The following EFTUD2 variants were observed in gnomAD, a reference collection of about 807,000 sequenced individuals.
EFTUD2 encodes the protein elongation factor Tu GTP binding domain containing 2.
EFTUD2 carries 9 observed loss-of-function variants against 114.3 expected under a neutral mutation model. The observed-to-expected ratio is 0.08, with a 90% confidence interval of 0.05 to 0.14. The LOEUF (loss-of-function observed/expected upper bound fraction) is 0.14. Among genes scored for constraint, EFTUD2 ranks in the 10% least tolerant of loss-of-function variants. The probability of loss-of-function intolerance (pLI) is 1.00; values close to 1 mark genes in which losing one functional copy is unlikely to be tolerated. For missense variants in EFTUD2, 765 were observed against 1,241.2 expected (o/e 0.62, Z 5.76); for synonymous variants, 449 against 462.3 (o/e 0.97, Z 0.37).
At chr17:44,872,324 A>ACAGCAG in intron 11 of EFTUD2, 122 bp downstream of exon 11, 1 of 1,306,452 alleles carries the variant, frequency 7.7e-7, no homozygotes, top group Non-Finnish European at 1.1e-6. Context: ...TGTGATAATA[A>ACAGCAG]CAGGTGATAA....
In EFTUD2 at chr17:44,866,921, T is replaced by G. The variant is rs550402889; in HGVS notation, c.1149+886A>C. The stretch of plus-strand genomic sequence containing the variant: ...AAGTTTGAGACCAGCTTGGGGATAA[T>G]GGCAAGACCCTGTCTCTACACAAAA... On this transcript the variant is annotated intron_variant, in intron 13 of 27. Coordinates refer to ENST00000426333, the MANE Select transcript of EFTUD2 (RefSeq NM_004247.4). 4.6e-5 allele frequency among the ~76,000 whole-genome samples: 7 copies of G among 152,148 alleles called. 1 individual carries two copies. The highest frequency in any genetic ancestry group is 1.7e-4 in the African/African-American group (7 of 41,530).
chr17:44,870,665 T>TGTTTTTTC (rs1718136116), intron 11 of EFTUD2, among the ~76,000 whole-genome samples: 1 of 152,164 alleles, frequency 6.6e-6, no homozygotes, highest in African/African-American at 2.4e-5. Flanking sequence ...ACAGTAAATG[T>TGTTTTTTC]GTTTTTTCTC....
chr17:44,863,054 C>A, intron 15 of EFTUD2, 148 bp from the exon 16 acceptor site: 1 of 603,384 alleles, frequency 1.7e-6, no homozygotes, highest in East Asian at 2.9e-5. Flanking sequence ...ATGTTCTACC[C>A]CATCCCTCTG....
Position 44,868,268 on chromosome 17 carries a change from C to G in EFTUD2, c.1058+19G>C. On this transcript the variant is annotated intron_variant, in intron 12 of 27. Transcript: ENST00000426333. ...AAATGATCACCCCTCTGGAAAGTCA[C>G]GTCCCATACTCTACTTACGTCTTAG... The G allele has an allele frequency of 1.2e-6, 2 of 1,610,652 alleles. No homozygotes were observed. Among genetic ancestry groups the G allele is most frequent in the Non-Finnish European group, 1.7e-6 (2 of 1,178,112 alleles).
Position 44,862,851 on chromosome 17 carries a change from A to T in EFTUD2, c.1469T>A (p.Phe490Tyr), listed in dbSNP as rs752621987. The change falls in exon 16 of 28, where the codon TTT becomes TAT. Residue 490 changes from phenylalanine (F) to tyrosine (Y), a missense_variant. Around this residue, in one of 6 missense-constraint regions of EFTUD2, gnomAD observed 149 missense variants for 245.1 expected, o/e 0.61. Transcript: ENST00000426333. ...ACTCAGCACCCGGCCAAAGGCGTGA[A>T]ACTGGACTCCATCATCTGTGCTGTA... is the stretch of plus-strand genomic sequence containing the variant. Reference protein sequence around the residue: ...KMYSTDDGVQFHAFGRVLSGT... With the variant: ...KMYSTDDGVQYHAFGRVLSGT... The T allele has an allele frequency of 6.2e-7, 1 of 1,614,198 alleles. No homozygotes were observed. Among genetic ancestry groups the T allele is most frequent in the South Asian group, 1.1e-5 (1 of 91,082 alleles).
chr17:44,850,280 G>A lies in EFTUD2; in HGVS notation c.*994C>T, dbSNP rs1015369512. 1 of 1,477,702 alleles carries A rather than the reference G, an allele frequency of 6.8e-7. No individual in the cohort carries two copies. The highest frequency in any genetic ancestry group is 9.3e-7 in the Non-Finnish European group (1 of 1,069,944). 91.5% of individuals were successfully genotyped at this position (1,477,702 alleles called of 1,614,324 possible). On this transcript the variant is annotated 3_prime_UTR_variant, in exon 28 of 28. Coordinates refer to ENST00000426333, the MANE Select transcript of EFTUD2 (RefSeq NM_004247.4). The stretch of plus-strand genomic sequence containing the variant: ...CCCCTAGGACGCCTGAGAGCCAGAG[G>A]ACGGGTGAAGGGTTTGATGCCAAGG...
At chr17:44,879,867 G>A (rs1336783305) in intron 8 of EFTUD2, among the ~76,000 whole-genome samples, 2 of 151,976 alleles carry the variant, frequency 1.3e-5, no homozygotes, top group Non-Finnish European at 2.9e-5. Context: ...TGGGACTCAT[G>A]CCCAGGAGAG....
At chr17:44,855,272 AAAAC>A (rs1381509663) in intron 20 of EFTUD2, among the ~76,000 whole-genome samples, 1 of 152,176 alleles carries the variant, frequency 6.6e-6, no homozygotes, top group South Asian at 2.1e-4. Context: ...CTGCCTCTTA[AAAAC>A]AAACAGCCAG....
intron 1 of EFTUD2, among the ~76,000 whole-genome samples, chr17:44,898,080 G>T (rs557896229): frequency 2.6e-5 from 4 of 152,080 alleles, no homozygotes; most frequent in African/African-American, 9.7e-5. Flanking sequence ...GGAGCTCCAA[G>T]GACCAATAAT....
intron 3 of EFTUD2, 61 bp from the exon 4 acceptor site, chr17:44,885,395 A>G (rs2051150134): frequency 8.9e-7 from 1 of 1,120,948 alleles, no homozygotes; most frequent in Non-Finnish European, 1.4e-6. Context: ...AATACGGAAC[A>G]CTATTCCATT....
intron 10 of EFTUD2, 158 bp downstream of exon 10, chr17:44,875,776 G>T: frequency 1.3e-6 from 1 of 757,750 alleles, no homozygotes; most frequent in Non-Finnish European, 2.2e-6. Context: ...GTTAAAGTAT[G>T]AAGTCAACCC....
At position 44,856,954 on chromosome 17, in the gene EFTUD2, C is replaced by A. The variant is rs1031577242; in HGVS notation, c.2045+121G>T. The A allele has an allele frequency of 3.9e-6, 3 of 766,062 alleles. No homozygotes were observed. In the African/African-American group the frequency reaches 5.2e-5, roughly 13 times the overall value. 47.5% of individuals were successfully genotyped at this position (766,062 alleles called of 1,614,324 possible). A position where few individuals can be genotyped will look rare whatever the true frequency, so the allele number is the denominator to read the frequency against. ...GAAACTCAAGTATTGTAAGCACCCCCTATTCTGAGCTGTAGAGGTCTCTAT... is the reference window on the plus strand; with the variant it reads ...GAAACTCAAGTATTGTAAGCACCCCATATTCTGAGCTGTAGAGGTCTCTAT... On this transcript the variant is annotated intron_variant, in intron 20 of 27. Transcript: ENST00000426333.
At chr17:44,887,864 A>C (rs1395777746) in intron 2 of EFTUD2, among the ~76,000 whole-genome samples, 1 of 152,246 alleles carries the variant, frequency 6.6e-6, no homozygotes, top group Non-Finnish European at 1.5e-5. Flanking sequence ...GTCATATGCA[A>C]CATTAACGAA....
At position 44,863,742 on chromosome 17, in the gene EFTUD2, C is replaced by A; in HGVS notation, c.1326G>T (p.Lys442Asn). The A allele has an allele frequency of 3.1e-6, 5 of 1,614,146 alleles. No homozygotes were observed. Among genetic ancestry groups the A allele is most frequent in the Non-Finnish European group, 4.2e-6 (5 of 1,180,016 alleles). ...DMCVQHIPSP[K>N]VGAKPKIEHT... The stretch of plus-strand genomic sequence containing the variant: ...GCTCAATCTTGGGCTTGGCGCCCAC[C>A]TTTGGAGAAGGGATATGCTGCACAC... The change falls in exon 15 of 28, where the codon AAG becomes AAT. Residue 442 changes from lysine to asparagine, a missense_variant. Around this residue, in one of 6 missense-constraint regions of EFTUD2, gnomAD observed 59 missense variants for 50.1 expected, o/e 1.18. Transcript: ENST00000426333.
chr17:44,876,066 G>T lies in EFTUD2; in HGVS notation c.737C>A (p.Ala246Glu), dbSNP rs1393171446. ...AGTGACTGCCAGCCTCTCCTGCACC[G>T]CATGCTTGATCAGCCGCTCTGTGTT... The part of the protein sequence containing the change: ...MLNTERLIKH[A>E]VQERLAVTVC... The change falls in exon 10 of 28, where the codon GCG becomes GAG. Residue 246 changes from alanine (A) to glutamate (E), a missense_variant. Around this residue, in one of 6 missense-constraint regions of EFTUD2, gnomAD observed 251 missense variants for 357.7 expected, o/e 0.70. Transcript: ENST00000426333. 6.2e-7 allele frequency: 1 copy of T among 1,613,568 alleles called. No homozygotes were observed. Among genetic ancestry groups the T allele is most frequent in the Non-Finnish European group, 8.5e-7 (1 of 1,179,820 alleles).
chr17:44,866,409 TG>T (rs1304932047), intron 13 of EFTUD2, among the ~76,000 whole-genome samples: 2 of 142,758 alleles, frequency 1.4e-5, no homozygotes, highest in African/African-American at 5.4e-5. Context: ...CAGTCCCAGT[TG>T]ATTTATTTTA....
At chr17:44,895,111 T>C (rs2051354074) in intron 1 of EFTUD2, among the ~76,000 whole-genome samples, 1 of 150,582 alleles carries the variant, frequency 6.6e-6, no homozygotes, top group African/African-American at 2.4e-5. Flanking sequence ...TTCACATTTG[T>C]AAATTGCCAG....
chr17:44,883,609 A>C, intron 5 of EFTUD2, 40 bp downstream of exon 5: 4 of 1,586,252 alleles, frequency 2.5e-6, no homozygotes, highest in Non-Finnish European at 2.6e-6. Context: ...CAGGTACAAA[A>C]GAGAAATCCT....
chr17:44,876,684 C>A (rs568800411), intron 9 of EFTUD2, among the ~76,000 whole-genome samples: 5 of 151,806 alleles, frequency 3.3e-5, no homozygotes, highest in Admixed American at 1.3e-4. Context: ...AACCCTGTCT[C>A]GACTAAAAAT....
Sources: gnomAD v4.1 joint callset for allele counts (sites outside exome capture counted in the v4.1 genomes callset) on GRCh38, gnomAD v4.1.1 for gene constraint, gnomAD v4.1.1 regional missense constraint, MANE v1.5 for transcripts, NCBI Gene and HGNC (gene_info 2026-07-23, HGNC 2026-07-21) for gene names.